ITGA8: variants seen among roughly 807,000 people sequenced by gnomAD.
ITGA8 encodes the protein integrin subunit alpha 8.
In ITGA8, 91 loss-of-function variants were observed where a neutral mutation model predicts 142.3. That is an observed-to-expected ratio of 0.64 (90% CI 0.54 to 0.76). The LOEUF (loss-of-function observed/expected upper bound fraction) is 0.76. Ranked by LOEUF, ITGA8 falls within the 30% of genes least tolerant of loss-of-function variation. The pLI, the probability that ITGA8 is intolerant of heterozygous loss-of-function variation, is 0.00. For synonymous variants in ITGA8, 505 were observed against 485.2 expected, an observed-to-expected ratio of 1.04 and a Z score of -0.54; for missense variants, 1,406 against 1,327.7, an observed-to-expected ratio of 1.06 and a Z score of -0.92.
chr10:15,558,527 A>G (rs1270459488), intron 25 of ITGA8, among the ~76,000 whole-genome samples: 1 of 152,188 alleles, frequency 6.6e-6, no homozygotes, highest in Admixed American at 6.5e-5. Flanking sequence ...GACATGAGCC[A>G]TCCTTCTCTC....
At position 15,626,944 on chromosome 10, in the gene ITGA8, C is replaced by T. The variant is rs148387239; in HGVS notation, c.1400-10385G>A. Among the ~76,000 whole-genome samples, 8 of 152,212 alleles carry T rather than the reference C, an allele frequency of 5.3e-5. No individual in the cohort carries two copies. The East Asian group carries it at 7.7e-4, about 15-fold the overall frequency. On this transcript the variant is annotated intron_variant, in intron 13 of 29. Coordinates refer to ENST00000378076, the MANE Select transcript of ITGA8 (RefSeq NM_003638.3). ...TGTGTGATGGCAGCCTTGCGATTGA[C>T]GGAGTTGCAAGGGAGATGGGAGAGG... is the stretch of plus-strand genomic sequence containing the variant.
intron 4 of ITGA8, 63 bp downstream of exon 4, chr10:15,683,941 C>G: frequency 6.3e-7 from 1 of 1,597,260 alleles, no homozygotes; most frequent in Non-Finnish European, 8.6e-7. Flanking sequence ...CCTACCTGCA[C>G]TCCTGTCTAC....
intron 2 of ITGA8, among the ~76,000 whole-genome samples, chr10:15,700,710 C>G (rs1490547616): frequency 1.3e-5 from 2 of 152,056 alleles, no homozygotes; most frequent in South Asian, 2.1e-4. Flanking sequence ...AGAACTCGAA[C>G]AAATCAGCAA....
At chr10:15,553,253 T>C (rs1183231119) in intron 26 of ITGA8, among the ~76,000 whole-genome samples, 5 of 149,990 alleles carry the variant, frequency 3.3e-5, no homozygotes, top group African/African-American at 1.2e-4. Context: ...CGAGACTCTA[T>C]CTCAAGAAAA....
At chr10:15,658,466 C>T (rs951963005) in intron 10 of ITGA8, among the ~76,000 whole-genome samples, 1 of 152,168 alleles carries the variant, frequency 6.6e-6, no homozygotes, top group Admixed American at 6.5e-5. Flanking sequence ...CCGTCCTCAG[C>T]TCCTACATCT....
At chr10:15,549,011 T>G (rs1485793675) in intron 26 of ITGA8, among the ~76,000 whole-genome samples, 1 of 152,080 alleles carries the variant, frequency 6.6e-6, no homozygotes, top group East Asian at 1.9e-4. Context: ...CTGTCTAAAT[T>G]ATTTCCTGGT....
In ITGA8 at chr10:15,621,940, C is replaced by T. The variant is rs570844820; in HGVS notation, c.1400-5381G>A. On this transcript the variant is annotated intron_variant, in intron 13 of 29. Coordinates refer to ENST00000378076, the MANE Select transcript of ITGA8 (RefSeq NM_003638.3). Reference sequence around the variant, plus strand: ...TGGGAGGCCAAGGCAGACAGATCCCCTGAGGTCAGGAGTTCGAGACCAGCC... The same window carrying T: ...TGGGAGGCCAAGGCAGACAGATCCCTTGAGGTCAGGAGTTCGAGACCAGCC... 2.0e-5 allele frequency among the ~76,000 whole-genome samples: 3 copies of T among 152,170 alleles called. No individual in the cohort carries two copies. The South Asian group carries it at 6.2e-4, about 32-fold the overall frequency.
intron 2 of ITGA8, among the ~76,000 whole-genome samples, chr10:15,702,033 A>G (rs1835173494): frequency 6.6e-6 from 1 of 152,170 alleles, no homozygotes; most frequent in Admixed American, 6.5e-5. Context: ...ACCTGGATTG[A>G]TTTTTATATC....
chr10:15,589,227 A>G (rs1832881971), intron 22 of ITGA8, among the ~76,000 whole-genome samples: 1 of 152,116 alleles, frequency 6.6e-6, no homozygotes, highest in South Asian at 2.1e-4. Context: ...CTTTTTCCTT[A>G]CTATTTCCTA....
At chr10:15,633,050 T>C (rs867815742) in intron 13 of ITGA8, among the ~76,000 whole-genome samples, 8 of 152,216 alleles carry the variant, frequency 5.3e-5, no homozygotes, top group Non-Finnish European at 1.0e-4. Flanking sequence ...TTCTGCTCAT[T>C]GCTAAGGAAT....
intron 27 of ITGA8, among the ~76,000 whole-genome samples, chr10:15,543,388 T>G (rs1833609433): frequency 6.6e-6 from 1 of 152,220 alleles, no homozygotes; most frequent in African/African-American, 2.4e-5. Flanking sequence ...CTCACCCCTG[T>G]GTTTACTCAC....
chr10:15,645,824 T>A (rs1426706771), intron 12 of ITGA8, among the ~76,000 whole-genome samples: 1 of 152,140 alleles, frequency 6.6e-6, no homozygotes, highest in Admixed American at 6.6e-5. Flanking sequence ...CAAACTTTTG[T>A]GTGAAGGTGT....
In ITGA8 at chr10:15,572,805, C is replaced by T. The variant is rs1834209516; in HGVS notation, c.2479-436G>A. 2.6e-5 allele frequency among the ~76,000 whole-genome samples: 4 copies of T among 152,310 alleles called. No homozygotes were observed. The South Asian group carries it at 8.3e-4, about 32-fold the overall frequency. Reference sequence around the variant, plus strand: ...CAACCATATGTGATGTACTCTCTTTCACCCTCTGGAAGAATGTCCATCCAT... The same window carrying T: ...CAACCATATGTGATGTACTCTCTTTTACCCTCTGGAAGAATGTCCATCCAT... On this transcript the variant is annotated intron_variant, in intron 24 of 29. Transcript: ENST00000378076.
At chr10:15,586,344 C>G (rs1832831783) in intron 23 of ITGA8, among the ~76,000 whole-genome samples, 1 of 152,052 alleles carries the variant, frequency 6.6e-6, no homozygotes, top group Non-Finnish European at 1.5e-5. Flanking sequence ...TAGGCATGAG[C>G]CACCGCGCCT....
At chr10:15,645,751 T>G (rs1833970482) in intron 12 of ITGA8, among the ~76,000 whole-genome samples, 1 of 152,216 alleles carries the variant, frequency 6.6e-6, no homozygotes, top group African/African-American at 2.4e-5. Flanking sequence ...GCTCGGTTCT[T>G]AACTAAAGAA....
chr10:15,678,151 A>C (rs950452418), intron 5 of ITGA8, among the ~76,000 whole-genome samples: 9 of 152,296 alleles, frequency 5.9e-5, no homozygotes, highest in East Asian at 3.9e-4. Flanking sequence ...CGTGCCTCAT[A>C]TCTTTAACTC....
intron 6 of ITGA8, among the ~76,000 whole-genome samples, chr10:15,675,343 C>T (rs530339858): frequency 2.0e-5 from 3 of 152,318 alleles, no homozygotes; most frequent in African/African-American, 4.8e-5. Flanking sequence ...GCGGCACCCA[C>T]CTACAGCCAT....
intron 23 of ITGA8, among the ~76,000 whole-genome samples, chr10:15,579,635 G>T (rs1834366042): frequency 6.6e-6 from 1 of 151,930 alleles, no homozygotes; most frequent in Non-Finnish European, 1.5e-5. Context: ...AGAAAATAAT[G>T]CTTGTGTTTT....
In ITGA8 at chr10:15,646,712, T is replaced by C. The variant is rs568031834; in HGVS notation, c.1207+134A>G. The C allele has an allele frequency of 6.6e-6, 4 of 606,496 alleles. No individual in the cohort carries two copies. In the African/African-American group the frequency reaches 7.3e-5, roughly 11 times the overall value. The allele number at this position is 606,496 out of a possible 1,614,324, so 37.6% of individuals were successfully genotyped here. On this transcript the variant is annotated intron_variant, in intron 12 of 29. Transcript: ENST00000378076. ...ATAAACGTAAAGCTGCCTTGAGATTTGTGATAGTTTATTAAAAATCAGTAA... is the reference window on the plus strand; with the variant it reads ...ATAAACGTAAAGCTGCCTTGAGATTCGTGATAGTTTATTAAAAATCAGTAA...
Sources: gnomAD v4.1 joint callset for allele counts (sites outside exome capture counted in the v4.1 genomes callset) on GRCh38, gnomAD v4.1.1 for gene constraint, MANE v1.5 for transcripts, NCBI Gene and HGNC (gene_info 2026-07-23, HGNC 2026-07-21) for gene names.